The following PRDM5 variants were observed in gnomAD, a reference collection of about 807,000 sequenced individuals.
PRDM5 encodes PR/SET domain 5.
In PRDM5, 56 loss-of-function variants were observed where a neutral mutation model predicts 81.2. The observed-to-expected ratio is 0.69, with a 90% CI of 0.56 to 0.86. The LOEUF (loss-of-function observed/expected upper bound fraction) is 0.86. PRDM5 is among the 40% of genes least tolerant of loss of function. The pLI is 0.00. For missense variants in PRDM5, 697 were observed against 770.1 expected (o/e 0.91, Z 1.12); for synonymous variants, 267 against 256.4 (o/e 1.04, Z -0.39).
At chr4:120,811,695 C>G (rs1753859771) in intron 7 of PRDM5, among the ~76,000 whole-genome samples, 1 of 151,764 alleles carries the variant, frequency 6.6e-6, no homozygotes, top group Admixed American at 6.6e-5. Context: ...AATAAAGACC[C>G]AAGCTCCCAA....
chr4:120,905,472 A>C (rs1024127252), intron 2 of PRDM5, among the ~76,000 whole-genome samples: 3 of 152,210 alleles, frequency 2.0e-5, no homozygotes, highest in East Asian at 3.9e-4. Context: ...TAACATCTAC[A>C]ATCAGTTTAC....
intron 7 of PRDM5, among the ~76,000 whole-genome samples, chr4:120,813,821 T>C (rs998688269): frequency 6.6e-6 from 1 of 152,152 alleles, no homozygotes; most frequent in Non-Finnish European, 1.5e-5. Flanking sequence ...CTAGCCCTCA[T>C]AGCAACTACT....
At chr4:120,789,498 A>C (rs1750263183) in intron 10 of PRDM5, among the ~76,000 whole-genome samples, 1 of 152,218 alleles carries the variant, frequency 6.6e-6, no homozygotes, top group African/African-American at 2.4e-5. Context: ...AAACTACCTT[A>C]AAATTAGAAG....
At chr4:120,860,115 A>C (rs1467878365) in intron 2 of PRDM5, among the ~76,000 whole-genome samples, 2 of 152,248 alleles carry the variant, frequency 1.3e-5, no homozygotes, top group Admixed American at 6.5e-5. Context: ...TGTCAAAGAC[A>C]CAAAGACAAG....
intron 13 of PRDM5, among the ~76,000 whole-genome samples, chr4:120,769,550 G>C (rs1746929167): frequency 6.6e-6 from 1 of 152,282 alleles, no homozygotes; most frequent in South Asian, 2.1e-4. Flanking sequence ...TACAAGGCAA[G>C]GGGAAGCCAC....
At chr4:120,800,351 AC>A (rs1365648228) in intron 8 of PRDM5, among the ~76,000 whole-genome samples, 6 of 152,114 alleles carry the variant, frequency 3.9e-5, no homozygotes, top group African/African-American at 1.4e-4. Flanking sequence ...CCTCGTCCCT[AC>A]AAAAAATTTT....
At chr4:120,882,337 G>A (rs530777441) in intron 2 of PRDM5, among the ~76,000 whole-genome samples, 4 of 152,214 alleles carry the variant, frequency 2.6e-5, no homozygotes, top group East Asian at 3.9e-4. Flanking sequence ...CAGTAGAGAC[G>A]GGGTTTCACC....
intron 3 of PRDM5, chr4:120,838,957 T>G (rs1578939054): frequency 2.0e-6 from 1 of 504,046 alleles, no homozygotes; most frequent in East Asian, 3.1e-5. Flanking sequence ...TGCAGAAGGG[T>G]GGGCAGCTCC....
intron 1 of PRDM5, among the ~76,000 whole-genome samples, chr4:120,915,609 A>G (rs1724055319): frequency 6.6e-6 from 1 of 152,192 alleles, no homozygotes; most frequent in African/African-American, 2.4e-5. Context: ...AAGAAAAGCA[A>G]TAAACTATGT....
chr4:120,912,714 C>T (rs1399650092), intron 1 of PRDM5, among the ~76,000 whole-genome samples: 1 of 152,064 alleles, frequency 6.6e-6, no homozygotes, highest in Non-Finnish European at 1.5e-5. Context: ...GGAGAATGTC[C>T]TTATGCTAAA....
intron 2 of PRDM5, among the ~76,000 whole-genome samples, chr4:120,866,971 G>A (rs1189709668): frequency 1.3e-5 from 2 of 152,176 alleles, no homozygotes; most frequent in Non-Finnish European, 2.9e-5. Context: ...AATGTGTAAA[G>A]GATTTGACAT....
chr4:120,763,001 G>T (rs1745851619), intron 13 of PRDM5, among the ~76,000 whole-genome samples: 3 of 152,146 alleles, frequency 2.0e-5, no homozygotes, highest in Non-Finnish European at 4.4e-5. Flanking sequence ...TCAAATAAGA[G>T]AACCCTTACT....
At chr4:120,885,146 A>AGT (rs1459412464) in intron 2 of PRDM5, among the ~76,000 whole-genome samples, 24 of 137,774 alleles carry the variant, frequency 1.7e-4, no homozygotes, top group African/African-American at 6.8e-4. Flanking sequence ...AAAAAAAAAA[A>AGT]AAAAAAAAAA....
chr4:120,785,977 C>T (rs780079560), intron 10 of PRDM5, among the ~76,000 whole-genome samples: 2 of 152,060 alleles, frequency 1.3e-5, no homozygotes, highest in African/African-American at 4.8e-5. Context: ...ACCCATTCGG[C>T]ACAAATCAGT....
intron 2 of PRDM5, among the ~76,000 whole-genome samples, chr4:120,886,859 T>C (rs565156604): frequency 2.2e-4 from 33 of 152,236 alleles, no homozygotes; most frequent in Admixed American, 1.4e-3. Context: ...CTCAGTCTTA[T>C]ATAACTGCCC....
intron 2 of PRDM5, among the ~76,000 whole-genome samples, chr4:120,891,446 G>C (rs991605210): frequency 6.6e-6 from 1 of 151,954 alleles, no homozygotes; most frequent in Non-Finnish European, 1.5e-5. Context: ...TCTAACTAGT[G>C]GTCCATTGAC....
At chr4:120,711,457 C>A (rs1192359119) in intron 14 of PRDM5, among the ~76,000 whole-genome samples, 1 of 109,376 alleles carries the variant, frequency 9.1e-6, no homozygotes, top group Non-Finnish European at 1.8e-5. Flanking sequence ...TGCTGCCATA[C>A]CCAGCTATTT....
chr4:120,820,831 C>CTGAT (rs1286522352), intron 4 of PRDM5, among the ~76,000 whole-genome samples: 1 of 152,202 alleles, frequency 6.6e-6, no homozygotes, highest in Non-Finnish European at 1.5e-5. Context: ...CGTTACAAGA[C>CTGAT]TGATTAGTGG....
chr4:120,807,723 C>T (rs1041125210), intron 8 of PRDM5, among the ~76,000 whole-genome samples: 15 of 152,232 alleles, frequency 9.9e-5, no homozygotes, highest in African/African-American at 2.6e-4. Flanking sequence ...TTCTGAGGTT[C>T]GGATGTGTTT....
Sources: gnomAD v4.1 joint callset for allele counts (sites outside exome capture counted in the v4.1 genomes callset) on GRCh38, gnomAD v4.1.1 for gene constraint, MANE v1.5 for transcripts, NCBI Gene and HGNC (gene_info 2026-07-23, HGNC 2026-07-21) for gene names.